Variants in IFIH1 observed in about 807,000 individuals in gnomAD.
IFIH1 encodes interferon-induced helicase C domain-containing protein 1.
A neutral mutation model predicts 107.4 loss-of-function variants in IFIH1; 125 were observed. The observed-to-expected ratio is 1.16, with a 90% CI of 1.01 to 1.35. The LOEUF (loss-of-function observed/expected upper bound fraction) is 1.35, where lower values mean the gene tolerates loss of function less well. IFIH1 is among the 40% of genes most tolerant of loss of function. IFIH1 has a pLI of 0.00. For synonymous variants in IFIH1, 458 were observed against 413.2 expected, an observed-to-expected ratio of 1.11 and a Z score of -1.31; for missense variants, 1,333 against 1,213.7, an observed-to-expected ratio of 1.10 and a Z score of -1.46.
intron 9 of IFIH1, among the ~76,000 whole-genome samples, 192 bp from the exon 10 acceptor site, chr2:162,277,885 G>A (rs895796526): frequency 6.6e-6 from 1 of 152,110 alleles, no homozygotes; most frequent in African/African-American, 2.4e-5. Context: ...CTTGCTGCTT[G>A]AGTTCTGCCT....
intron 13 of IFIH1, among the ~76,000 whole-genome samples, chr2:162,270,901 T>C (rs1372684196): frequency 3.9e-5 from 6 of 152,148 alleles, no homozygotes; most frequent in Non-Finnish European, 5.9e-5. Flanking sequence ...GAGTTGGTAA[T>C]AGCAATGCAC....
chr2:162,314,398 C>CCCTCCCTCCTTTCTTT (rs1379199620), intron 1 of IFIH1, among the ~76,000 whole-genome samples: 1 of 67,020 alleles, frequency 1.5e-5, no homozygotes, highest in African/African-American at 8.3e-5. Flanking sequence ...CTCCCTCCCT[C>CCCTCCCTCCTTTCTTT]CTTTCTTTCT....
Position 162,298,551 on chromosome 2 carries a change from C to T in IFIH1, c.770-4883G>A, listed in dbSNP as rs571157132. On this transcript the variant is annotated intron_variant, in intron 3 of 15. Coordinates refer to ENST00000649979, the MANE Select transcript of IFIH1 (RefSeq NM_022168.4). ...CTTTGCAGCTATCCCCACCTTCCCT[C>T]CAGTTTCATAATCCTCACGCCTGGA... Among the ~76,000 whole-genome samples the T allele has an allele frequency of 3.3e-5, 5 of 152,204 alleles. No homozygotes were observed. In the South Asian group the frequency reaches 1.0e-3, roughly 32 times the overall value.
intron 2 of IFIH1, 101 bp downstream of exon 2, chr2:162,310,662 GAT>G (rs1558876167): frequency 1.1e-6 from 1 of 897,432 alleles, no homozygotes; most frequent in Non-Finnish European, 1.8e-6. Flanking sequence ...TTAAAATTTT[GAT>G]TCTAAAAATC....
chr2:162,314,419 T>TTTCTTTTCTTC (rs1558877465), intron 1 of IFIH1, among the ~76,000 whole-genome samples: 1 of 38,334 alleles, frequency 2.6e-5, no homozygotes, highest in Non-Finnish European at 4.5e-5. Flanking sequence ...TTCTTTCTTT[T>TTTCTTTTCTTC]CTTTCTTTCT....
At chr2:162,290,191 C>T (rs1020820643) in intron 4 of IFIH1, among the ~76,000 whole-genome samples, 4 of 151,592 alleles carry the variant, frequency 2.6e-5, no homozygotes, top group African/African-American at 7.3e-5. Context: ...TTCATTTTTG[C>T]GTAGATTTTA....
chr2:162,270,116 A>C (rs13385490), intron 13 of IFIH1, among the ~76,000 whole-genome samples: 14,279 of 152,166 alleles, frequency 0.094, 2,274 homozygotes, highest in African/African-American at 0.33. Flanking sequence ...CTAAAATAGT[A>C]AAGGAATTTG....
chr2:162,300,232 A>T (rs999747132), intron 3 of IFIH1, among the ~76,000 whole-genome samples: 49 of 152,028 alleles, frequency 3.2e-4, no homozygotes, highest in Admixed American at 3.1e-3. Context: ...CCTTCTTCCT[A>T]TTTCTCTGGC....
At chr2:162,306,954 C>A in intron 2 of IFIH1, 99 bp from the exon 3 acceptor site, 1 of 1,009,882 alleles carries the variant, frequency 9.9e-7, no homozygotes, top group Non-Finnish European at 1.5e-6. Flanking sequence ...ACTAGAGGTT[C>A]CTAATAGAGA....
Position 162,278,195 on chromosome 2 carries a change from C to G in IFIH1, c.1765+10G>C. 1.2e-6 allele frequency: 2 copies of G among 1,600,714 alleles called. No individual in the cohort carries two copies. Among genetic ancestry groups the G allele is most frequent in the Non-Finnish European group, 1.7e-6 (2 of 1,175,952 alleles). On this transcript the variant is annotated intron_variant, in intron 9 of 15. Coordinates refer to ENST00000649979, the MANE Select transcript of IFIH1 (RefSeq NM_022168.4). ...GGATAAACTAAGTGTTAGGTCCAAA[C>G]CTAAATTACCTTTTTTTTCCATTTG... is the stretch of plus-strand genomic sequence containing the variant.
chr2:162,285,861 A>G (rs1434797073), intron 5 of IFIH1, among the ~76,000 whole-genome samples: 1 of 152,002 alleles, frequency 6.6e-6, no homozygotes, highest in Non-Finnish European at 1.5e-5. Flanking sequence ...ATTTGAATTT[A>G]GGCTCAGAAA....
chr2:162,311,041 A>C (rs1335901873), intron 1 of IFIH1, 108 bp from the exon 2 acceptor site: 1 of 785,006 alleles, frequency 1.3e-6, no homozygotes, highest in Non-Finnish European at 2.0e-6. Flanking sequence ...AGTATAAATA[A>C]AGGCTTACAT....
In IFIH1 at chr2:162,310,904, T is replaced by C. The variant is rs765337594; in HGVS notation, c.483A>G (p.Glu161=). Reference sequence around the variant, plus strand: ...TTTTTAGTAGCTCTCTTACACCTGATTCATTTCCATTGTTTTCTGCAGCAG... The same window carrying C: ...TTTTTAGTAGCTCTCTTACACCTGACTCATTTCCATTGTTTTCTGCAGCAG... ...RIAAAENNGN[E]SGVRELLKRI... is the part of the protein sequence containing the mutation. Residue 161 remains glutamate, a synonymous_variant, in exon 2 of 16, where the codon GAA becomes GAG. Coordinates refer to ENST00000649979, the MANE Select transcript of IFIH1 (RefSeq NM_022168.4). 1.2e-6 allele frequency: 2 copies of C among 1,613,424 alleles called. No individual in the cohort carries two copies. The highest frequency in any genetic ancestry group is 1.7e-6 in the Non-Finnish European group (2 of 1,179,626).
chr2:162,317,016 GGTGTGT>G (rs56835671), intron 1 of IFIH1, among the ~76,000 whole-genome samples: 225 of 144,014 alleles, frequency 1.6e-3, no homozygotes, highest in African/African-American at 4.1e-3. Flanking sequence ...AAAGAAAAAG[GGTGTGT>G]GTGTGTGTGT....
chr2:162,268,574 A>G (rs1559809227), intron 13 of IFIH1, among the ~76,000 whole-genome samples: 2 of 152,120 alleles, frequency 1.3e-5, no homozygotes, highest in Admixed American at 6.5e-5. Flanking sequence ...TGTCTAGCCT[A>G]CCCATTTGTT....
At chr2:162,311,059 T>C (rs1289444857) in intron 1 of IFIH1, 126 bp from the exon 2 acceptor site, 18 of 647,328 alleles carry the variant, frequency 2.8e-5, no homozygotes, top group Admixed American at 1.1e-4. Context: ...CATTGAAACA[T>C]TGAAGAAAAT....
intron 13 of IFIH1, among the ~76,000 whole-genome samples, chr2:162,269,165 G>A (rs1456551456): frequency 6.6e-6 from 1 of 152,120 alleles, no homozygotes. Flanking sequence ...AAATATGCTA[G>A]CTAAATGACT....
intron 3 of IFIH1, among the ~76,000 whole-genome samples, chr2:162,303,560 A>G (rs911258102): frequency 1.3e-5 from 2 of 152,072 alleles, no homozygotes; most frequent in Non-Finnish European, 2.9e-5. Flanking sequence ...GAGTTTGGAA[A>G]ATAGTTGTTA....
chr2:162,300,326 T>TA (rs761165220), intron 3 of IFIH1, among the ~76,000 whole-genome samples: 14 of 152,250 alleles, frequency 9.2e-5, no homozygotes, highest in East Asian at 1.9e-4. Flanking sequence ...AAAACTCTGC[T>TA]AAAAAAACAG....
Sources: gnomAD v4.1 joint callset for allele counts (sites outside exome capture counted in the v4.1 genomes callset) on GRCh38, gnomAD v4.1.1 for gene constraint, MANE v1.5 for transcripts, NCBI Gene and HGNC (gene_info 2026-07-23, HGNC 2026-07-21) for gene names.